The following U2AF2 variants were observed in gnomAD, a reference collection of about 807,000 sequenced individuals.
The protein encoded by U2AF2 is splicing factor U2AF 65 kDa subunit.
Under a neutral mutation model 52.6 loss-of-function variants are expected in U2AF2, and 6 were observed. That is an observed-to-expected ratio of 0.11 (90% CI 0.06 to 0.23). The LOEUF (loss-of-function observed/expected upper bound fraction) is 0.23. Ranked by LOEUF, U2AF2 falls within the 10% of genes least tolerant of loss-of-function variation. The pLI, the probability that U2AF2 is intolerant of heterozygous loss-of-function variation, is 1.00. For synonymous variants in U2AF2, 284 were observed against 258.2 expected (o/e 1.10, Z -0.96); for missense variants, 222 against 677.1 (o/e 0.33, Z 7.46).
intron 7 of U2AF2, among the ~76,000 whole-genome samples, chr19:55,665,181 C>T (rs1984469660): frequency 2.0e-5 from 3 of 152,228 alleles, no homozygotes; most frequent in African/African-American, 4.8e-5. Context: ...GAATCCACTG[C>T]GTTTTCATTC....
At chr19:55,670,050 G>A (rs1240693526) in intron 11 of U2AF2, among the ~76,000 whole-genome samples, 1 of 152,096 alleles carries the variant, frequency 6.6e-6, no homozygotes, top group Non-Finnish European at 1.5e-5. Flanking sequence ...TCTGTGGAGT[G>A]GGGAAGAGTG....
At chr19:55,661,600 C>T (rs1019620298) in intron 5 of U2AF2, among the ~76,000 whole-genome samples, 1 of 151,430 alleles carries the variant, frequency 6.6e-6, no homozygotes, top group East Asian at 1.9e-4. Context: ...GCCGCCTGTC[C>T]CCTATCCTCT....
At position 55,660,335 on chromosome 19, in the gene U2AF2, C is replaced by T. The variant is rs964042367; in HGVS notation, c.230+114C>T. On this transcript the variant is annotated intron_variant, in intron 3 of 11. Transcript: ENST00000308924. Reference sequence around the variant, plus strand: ...CCTGGCCCAAGCACTGGGAAGAGTCCACTTACCTTGAAACCAGCACCCCTT... The same window carrying T: ...CCTGGCCCAAGCACTGGGAAGAGTCTACTTACCTTGAAACCAGCACCCCTT... 3.1e-6 allele frequency: 4 copies of T among 1,295,828 alleles called. No homozygotes were observed. The African/African-American group carries it at 4.5e-5, about 14-fold the overall frequency. 80.3% of individuals were successfully genotyped at this position (1,295,828 alleles called of 1,614,324 possible). A position where few individuals can be genotyped will look rare whatever the true frequency, so the allele number is the denominator to read the frequency against.
At chr19:55,662,674 C>T in intron 6 of U2AF2, 56 bp downstream of exon 6, 1 of 1,493,748 alleles carries the variant, frequency 6.7e-7, no homozygotes, top group Admixed American at 1.7e-5. Flanking sequence ...AGGGCCCAGC[C>T]CTTAGGCTGA....
rs1255031509 is a variant in U2AF2 at position 55,673,320 on chromosome 19, C to T, written c.1294-614C>T. On this transcript the variant is annotated intron_variant, in intron 11 of 11. Coordinates refer to ENST00000308924, the MANE Select transcript of U2AF2 (RefSeq NM_007279.3). ...TAATTTATCCTTTGTACCTCACTCC[C>T]TCTTTTTTTTTTTTGCAAGCTCTTT... is the stretch of plus-strand genomic sequence containing the variant. Among the ~76,000 whole-genome samples the T allele has an allele frequency of 7.8e-5, 6 of 76,782 alleles. No homozygotes were observed. The Admixed American group carries it at 8.1e-4, about 10-fold the overall frequency. The allele number at this position is 76,782 out of a possible 152,430, so 50.4% of individuals were successfully genotyped here.
At position 55,660,164 on chromosome 19, in the gene U2AF2, T is replaced by TC; in HGVS notation, c.186-10dup. The TC allele has an allele frequency of 4.1e-6, 3 of 739,446 alleles. No homozygotes were observed. The highest frequency in any genetic ancestry group is 1.6e-5 in the South Asian group (1 of 63,162). 45.8% of individuals were successfully genotyped at this position (739,446 alleles called of 1,614,324 possible). ...AGTCACCCCTCCCCATACCTTTCCC[T>TC]CCCACCCCCCAGCAAACCTTTGACC... On this transcript the variant is annotated splice_polypyrimidine_tract_variant and intron_variant, in intron 2 of 11. Transcript: ENST00000308924.
chr19:55,659,484 A>T (rs998124664), intron 2 of U2AF2, 139 bp downstream of exon 2: 33 of 1,121,550 alleles, frequency 2.9e-5, no homozygotes, highest in Non-Finnish European at 3.8e-5. Context: ...GATCTGGGGG[A>T]GGGATCTACT....
At chr19:55,659,156 G>C in intron 1 of U2AF2, 54 bp from the exon 2 acceptor site, 2 of 1,464,624 alleles carry the variant, frequency 1.4e-6, no homozygotes, top group South Asian at 1.4e-5. Flanking sequence ...AGGGTGGGCT[G>C]GGCCCGCATC....
chr19:55,673,899 C>G (rs769180116), intron 11 of U2AF2, 35 bp from the exon 12 acceptor site: 1 of 1,592,270 alleles, frequency 6.3e-7, no homozygotes, highest in Non-Finnish European at 8.6e-7. Flanking sequence ...TGGGCGTGAG[C>G]CTTGTTCACA....
At chr19:55,673,154 G>GGT (rs1462393063) in intron 11 of U2AF2, among the ~76,000 whole-genome samples, 3 of 148,806 alleles carry the variant, frequency 2.0e-5, no homozygotes, top group Admixed American at 6.7e-5. Flanking sequence ...CCTGACCTCA[G>GGT]GTGATCCATC....
chr19:55,660,089 G>GA (rs1277105776), intron 2 of U2AF2, 88 bp from the exon 3 acceptor site: 19 of 1,340,532 alleles, frequency 1.4e-5, no homozygotes, highest in Non-Finnish European at 2.0e-5. Context: ...CCCACCCTGG[G>GA]GCTCAGTGCC....
At chr19:55,665,696 T>C (rs1381307797) in intron 7 of U2AF2, among the ~76,000 whole-genome samples, 1 of 152,238 alleles carries the variant, frequency 6.6e-6, no homozygotes, top group Non-Finnish European at 1.5e-5. Context: ...TTGCCCAGGC[T>C]GGAGTGCAGT....
rs1305696982 is a variant in U2AF2 at position 55,669,177 on chromosome 19, C to A, written c.1040C>A (p.Pro347His). 8.1e-6 allele frequency: 13 copies of A among 1,613,802 alleles called. No homozygotes were observed. Among genetic ancestry groups the A allele is most frequent in the Non-Finnish European group, 1.0e-5 (12 of 1,179,912 alleles). Residue 347 changes from proline to histidine, a missense_variant, in exon 10 of 12, where the codon CCC (proline) becomes CAC (histidine). Transcript: ENST00000308924. ...VGAKNATLVS[P>H]PSTINQTPVT... Reference sequence around the variant, plus strand: ...GCCAAGAATGCCACGCTGGTGAGCCCCCCGGCACGTCATCTTCCATTGGCT... The same window carrying A: ...GCCAAGAATGCCACGCTGGTGAGCCACCCGGCACGTCATCTTCCATTGGCT...
chr19:55,659,431 T>C, intron 2 of U2AF2, 86 bp downstream of exon 2: 1 of 1,377,366 alleles, frequency 7.3e-7, no homozygotes, highest in Non-Finnish European at 9.4e-7. Context: ...TGTGTGTCTG[T>C]GTCTGGGTCC....
At chr19:55,660,460 C>T (rs1984103489) in intron 3 of U2AF2, 56 bp from the exon 4 acceptor site, 2 of 1,166,410 alleles carry the variant, frequency 1.7e-6, no homozygotes, top group South Asian at 2.6e-5. Context: ...CTCGCAGGCC[C>T]ACTGTTGGTC....
chr19:55,659,161 C>T (rs749189106), intron 1 of U2AF2, 49 bp from the exon 2 acceptor site: 195 of 1,475,538 alleles, frequency 1.3e-4, no homozygotes, highest in Non-Finnish European at 1.6e-4. Flanking sequence ...GGGCTGGGCC[C>T]GCATCCTTAC....
chr19:55,657,678 G>C (rs1434048501), intron 1 of U2AF2, among the ~76,000 whole-genome samples: 1 of 152,158 alleles, frequency 6.6e-6, no homozygotes, highest in African/African-American at 2.4e-5. Context: ...TTTTGATTTT[G>C]GGGTTTTTGG....
chr19:55,664,683 G>A (rs1984429382), intron 7 of U2AF2, among the ~76,000 whole-genome samples: 1 of 152,168 alleles, frequency 6.6e-6, no homozygotes, highest in Admixed American at 6.5e-5. Context: ...GCAGGACTTG[G>A]GCTAGGTCCC....
chr19:55,663,825 G>A (rs181708350), intron 7 of U2AF2, 81 bp downstream of exon 7: 1 of 1,581,462 alleles, frequency 6.3e-7, no homozygotes, highest in East Asian at 2.2e-5. Flanking sequence ...CCCAGCTGGA[G>A]TGGCTTAGGA....
Sources: gnomAD v4.1 joint callset for allele counts (sites outside exome capture counted in the v4.1 genomes callset) on GRCh38, gnomAD v4.1.1 for gene constraint, MANE v1.5 for transcripts, NCBI Gene and HGNC (gene_info 2026-07-23, HGNC 2026-07-21) for gene names.